The following CNTNAP4 variants were observed in gnomAD, a reference collection of about 807,000 sequenced individuals.
CNTNAP4 encodes contactin associated protein family member 4, also known as contactin-associated protein-like 4.
Under a neutral mutation model 148.4 loss-of-function variants are expected in CNTNAP4, and 98 were observed. That is an observed-to-expected ratio of 0.66 (90% confidence interval 0.56 to 0.78). The LOEUF (loss-of-function observed/expected upper bound fraction) is 0.78, where lower values mean the gene tolerates loss of function less well. Among genes scored for constraint, CNTNAP4 ranks in the 30% least tolerant of loss-of-function variants. CNTNAP4 has a pLI of 0.00. For synonymous variants in CNTNAP4, 730 were observed against 565.1 expected (o/e 1.29, Z -4.14); for missense variants, 1,935 against 1,565.6 (o/e 1.24, Z -3.98).
At chr16:76,324,954 C>T (rs28529152) in intron 2 of CNTNAP4, among the ~76,000 whole-genome samples, 46,374 of 152,048 alleles carry the variant, frequency 0.3, 7,468 homozygotes, top group Non-Finnish European at 0.35. Context: ...GGGACACAAA[C>T]ATTCAGCCCA....
At chr16:76,537,566 A>T (rs1011694426) in intron 18 of CNTNAP4, among the ~76,000 whole-genome samples, 2 of 152,088 alleles carry the variant, frequency 1.3e-5, no homozygotes, top group African/African-American at 4.8e-5. Flanking sequence ...CTGTTTGTTG[A>T]TCCTGTTTCC....
Position 76,559,739 on chromosome 16 carries a change from T to G in CNTNAP4, c.*1056T>G, listed in dbSNP as rs980723403. ...ATATATTACCAAAAAAGAGACAAAT[T>G]GAAGTATAGAGCCCCATTTCCCATT... On this transcript the variant is annotated 3_prime_UTR_variant, in exon 24 of 24. Coordinates refer to ENST00000611870, the MANE Select transcript of CNTNAP4 (RefSeq NM_033401.5). Among the ~76,000 whole-genome samples the G allele has an allele frequency of 6.6e-6, 1 of 152,100 alleles. No individual in the cohort carries two copies. The highest frequency in any genetic ancestry group is 6.5e-5 in the Admixed American group (1 of 15,270).
At chr16:76,491,633 G>A (rs2082225532) in intron 13 of CNTNAP4, among the ~76,000 whole-genome samples, 1 of 152,196 alleles carries the variant, frequency 6.6e-6, no homozygotes, top group African/African-American at 2.4e-5. Context: ...AAATCTGGAA[G>A]GGTATTCTAA....
intron 17 of CNTNAP4, among the ~76,000 whole-genome samples, chr16:76,530,286 A>G (rs979673829): frequency 7.2e-5 from 11 of 152,168 alleles, no homozygotes; most frequent in African/African-American, 2.7e-4. Context: ...TTAGGTTTGA[A>G]TTCAGTACAA....
intron 15 of CNTNAP4, among the ~76,000 whole-genome samples, chr16:76,516,685 T>C (rs776226092): frequency 6.6e-6 from 1 of 152,242 alleles, no homozygotes; most frequent in Non-Finnish European, 1.5e-5. Context: ...TAAATAAATT[T>C]TAATATATCC....
At chr16:76,357,744 G>T (rs2012874026) in intron 3 of CNTNAP4, among the ~76,000 whole-genome samples, 1 of 152,166 alleles carries the variant, frequency 6.6e-6, no homozygotes. Flanking sequence ...CTCTAAAAGT[G>T]ACTCTCTCTT....
chr16:76,283,333 C>T (rs1003398621), intron 1 of CNTNAP4, among the ~76,000 whole-genome samples: 1 of 151,834 alleles, frequency 6.6e-6, no homozygotes, highest in Non-Finnish European at 1.5e-5. Context: ...TTTAAGAAAT[C>T]GTTCTGTTAT....
intron 1 of CNTNAP4, among the ~76,000 whole-genome samples, chr16:76,305,142 A>G (rs1426528354): frequency 6.6e-6 from 1 of 152,208 alleles, no homozygotes; most frequent in African/African-American, 2.4e-5. Context: ...GTTTTACAAG[A>G]AATTGCTAAA....
intron 3 of CNTNAP4, among the ~76,000 whole-genome samples, chr16:76,364,668 G>A (rs1029228424): frequency 1.3e-5 from 2 of 152,136 alleles, no homozygotes; most frequent in African/African-American, 4.8e-5. Context: ...AAGCAGTTCT[G>A]TTCCTTTGAA....
Position 76,553,922 on chromosome 16 carries a change from G to C in CNTNAP4, c.3733+15G>C, listed in dbSNP as rs777736786. On this transcript the variant is annotated intron_variant, in intron 23 of 23. Transcript: ENST00000611870. ...AGTAATTGGAGGTAATAAGAAGCATGAATGAGCTCTTCTTTGGTTGTTCTT... is the reference window on the plus strand; with the variant it reads ...AGTAATTGGAGGTAATAAGAAGCATCAATGAGCTCTTCTTTGGTTGTTCTT... The C allele has an allele frequency of 4.0e-5, 60 of 1,495,694 alleles. No individual in the cohort carries two copies. The highest frequency in any genetic ancestry group is 5.3e-5 in the Non-Finnish European group (57 of 1,074,182). The allele number at this position is 1,495,694 out of a possible 1,614,324, so 92.7% of individuals were successfully genotyped here.
intron 3 of CNTNAP4, among the ~76,000 whole-genome samples, chr16:76,402,574 G>T (rs1052763162): frequency 2.0e-5 from 3 of 151,916 alleles, no homozygotes; most frequent in African/African-American, 4.8e-5. Flanking sequence ...CTCTGATTTT[G>T]GTTATTTCTT....
At chr16:76,454,426 A>G (rs1483599953) in intron 8 of CNTNAP4, among the ~76,000 whole-genome samples, 1 of 152,200 alleles carries the variant, frequency 6.6e-6, no homozygotes. Flanking sequence ...AAAAATTTCT[A>G]AATGAATGTT....
chr16:76,470,497 A>ATATATATATATAT (rs398119511), intron 10 of CNTNAP4, among the ~76,000 whole-genome samples: 18 of 137,396 alleles, frequency 1.3e-4, no homozygotes, highest in African/African-American at 3.6e-4. Context: ...ATATATATAT[A>ATATATATATATAT]AAATTAGTCG....
intron 3 of CNTNAP4, among the ~76,000 whole-genome samples, chr16:76,400,841 G>A (rs532084146): frequency 6.6e-6 from 1 of 152,184 alleles, no homozygotes; most frequent in South Asian, 2.1e-4. Flanking sequence ...CAAAGATCAG[G>A]TGGTTGTAGG....
chr16:76,455,795 C>T (rs949606063), intron 8 of CNTNAP4, among the ~76,000 whole-genome samples: 3 of 152,186 alleles, frequency 2.0e-5, no homozygotes, highest in African/African-American at 7.2e-5. Context: ...CCCTATATGG[C>T]AGGCTAATTT....
intron 3 of CNTNAP4, among the ~76,000 whole-genome samples, chr16:76,371,641 A>T (rs561002162): frequency 6.6e-6 from 1 of 152,292 alleles, no homozygotes; most frequent in Admixed American, 6.5e-5. Context: ...AGGAAAGCAC[A>T]TTACTAAGTT....
intron 17 of CNTNAP4, among the ~76,000 whole-genome samples, chr16:76,531,733 G>T (rs11865739): frequency 6.6e-6 from 1 of 152,050 alleles, no homozygotes; most frequent in African/African-American, 2.4e-5. Context: ...TTTTCAAATA[G>T]TTACATCTGA....
intron 2 of CNTNAP4, among the ~76,000 whole-genome samples, chr16:76,323,755 G>A (rs939472333): frequency 1.3e-5 from 2 of 151,726 alleles, no homozygotes; most frequent in Non-Finnish European, 2.9e-5. Context: ...ACCCTTTATC[G>A]TCCTTGTCTG....
At chr16:76,342,465 CTTTTTTTTTTTTTTTT>C (rs397854943) in intron 2 of CNTNAP4, among the ~76,000 whole-genome samples, 2 of 91,490 alleles carry the variant, frequency 2.2e-5, no homozygotes, top group African/African-American at 1.0e-4. Context: ...TTGCTAATTT[CTTTTTTTTTTTTTTTT>C]TTTTTTTTTG....
Sources: gnomAD v4.1 joint callset for allele counts (sites outside exome capture counted in the v4.1 genomes callset) on GRCh38, gnomAD v4.1.1 for gene constraint, MANE v1.5 for transcripts, NCBI Gene and HGNC (gene_info 2026-07-23, HGNC 2026-07-21) for gene names.